ATP5PB: variants seen among roughly 807,000 people sequenced by gnomAD.
ATP5PB encodes ATP synthase peripheral stalk-membrane subunit b, also known as ATP synthase peripheral stalk subunit b, mitochondrial.
ATP5PB carries 21 observed loss-of-function variants against 34.5 expected under a neutral mutation model. The ratio of observed to expected loss-of-function variants is 0.61; its 90% CI spans 0.43 to 0.88. ATP5PB has a LOEUF of 0.88. Ranked by LOEUF, ATP5PB falls within the 40% of genes least tolerant of loss-of-function variation. ATP5PB has a pLI of 0.00. For synonymous variants in ATP5PB, 108 were observed against 114.1 expected (o/e 0.95, Z 0.34); for missense variants, 293 against 317.4 (o/e 0.92, Z 0.58).
intron 3 of ATP5PB, 106 bp downstream of exon 3, chr1:111,454,462 G>GTGTT (rs1653414254): frequency 1.4e-6 from 2 of 1,421,196 alleles, no homozygotes; most frequent in African/African-American, 1.5e-5. Context: ...TGTTGTTGTT[G>GTGTT]TTGTTGTTTT....
Position 111,449,513 on chromosome 1 carries a change from T to A in ATP5PB, c.-29T>A. 2 of 1,614,158 alleles carry A rather than the reference T, an allele frequency of 1.2e-6. No individual in the cohort carries two copies. Among genetic ancestry groups the A allele is most frequent in the South Asian group, 1.1e-5 (1 of 91,078 alleles). ...TCTCCTATCGGGGTCACAGGGACGC[T>A]AAGATTGCTACCTGGACTTTCGTTG... is the stretch of plus-strand genomic sequence containing the variant. On this transcript the variant is annotated 5_prime_UTR_variant, in exon 1 of 7. Transcript: ENST00000369722.
At chr1:111,457,338 C>CACACACACACACACACACAA (rs1557801140) in intron 5 of ATP5PB, among the ~76,000 whole-genome samples, 3 of 149,986 alleles carry the variant, frequency 2.0e-5, no homozygotes, top group African/African-American at 7.5e-5. Flanking sequence ...CACACACACA[C>CACACACACACACACACACAA]ACAAACAACA....
intron 2 of ATP5PB, among the ~76,000 whole-genome samples, chr1:111,452,592 A>C (rs558240212): frequency 6.6e-6 from 1 of 152,186 alleles, no homozygotes; most frequent in South Asian, 2.1e-4. Flanking sequence ...TAAAATAAGC[A>C]GAGAGACCAG....
rs1158342094 is a variant in ATP5PB at position 111,461,478 on chromosome 1, C to T, written c.*484C>T. ...CTGATAGGTTATGAGATATGTAAAG[C>T]TTTCTAGTACTCTTAAAATAACTAA... On this transcript the variant is annotated 3_prime_UTR_variant, in exon 7 of 7. Transcript: ENST00000369722. The T allele has an allele frequency of 2.0e-5, 3 of 153,820 alleles. No homozygotes were observed. The highest frequency in any genetic ancestry group is 2.9e-5 in the Non-Finnish European group (2 of 69,052). 9.5% of individuals were successfully genotyped at this position (153,820 alleles called of 1,614,324 possible).
chr1:111,456,273 C>A, intron 4 of ATP5PB, 24 bp downstream of exon 4: 1 of 1,538,770 alleles, frequency 6.5e-7, no homozygotes, highest in Non-Finnish European at 8.8e-7. Context: ...ACTTTATTTC[C>A]TATTTTAGAC....
chr1:111,459,352 C>A, intron 5 of ATP5PB, 105 bp from the exon 6 acceptor site: 2 of 1,091,930 alleles, frequency 1.8e-6, no homozygotes, highest in Non-Finnish European at 2.6e-6. Context: ...AAGAATTTCA[C>A]GTAAAATACA....
chr1:111,461,103 C>G lies in ATP5PB; in HGVS notation c.*109C>G. The G allele has an allele frequency of 9.9e-7, 1 of 1,014,722 alleles. No homozygotes were observed. The highest frequency in any genetic ancestry group is 1.5e-6 in the Non-Finnish European group (1 of 685,286). The allele number at this position is 1,014,722 out of a possible 1,614,324, so 62.9% of individuals were successfully genotyped here. The stretch of plus-strand genomic sequence containing the variant: ...GGTGTCTACTGAAGTTATAGTTTAC[C>G]CTTCCTAAAAATGAAAAGTTTGTTT... On this transcript the variant is annotated 3_prime_UTR_variant, in exon 7 of 7. Transcript: ENST00000369722.
intron 2 of ATP5PB, among the ~76,000 whole-genome samples, chr1:111,451,304 A>G (rs573574133): frequency 2.6e-5 from 4 of 152,262 alleles, no homozygotes; most frequent in Admixed American, 6.5e-5. Flanking sequence ...TCTTGCCTCA[A>G]TATCTTTCTA....
chr1:111,457,832 T>A (rs561233360), intron 5 of ATP5PB, among the ~76,000 whole-genome samples: 171 of 152,340 alleles, frequency 1.1e-3, no homozygotes, highest in Admixed American at 2.4e-3. Flanking sequence ...AAATGTTAAT[T>A]CCATGTATAT....
chr1:111,455,797 T>G (rs1249658530), intron 3 of ATP5PB, among the ~76,000 whole-genome samples: 2 of 152,232 alleles, frequency 1.3e-5, no homozygotes, highest in African/African-American at 4.8e-5. Context: ...TTCTCAAATT[T>G]ATCAGACTGA....
intron 1 of ATP5PB, 52 bp downstream of exon 1, chr1:111,449,633 A>T: frequency 6.4e-7 from 1 of 1,565,744 alleles, no homozygotes; most frequent in Non-Finnish European, 8.7e-7. Flanking sequence ...GAAAGAAGCG[A>T]ATCTAGGGGT....
chr1:111,451,025 C>A (rs1653312611), intron 2 of ATP5PB, among the ~76,000 whole-genome samples: 1 of 152,200 alleles, frequency 6.6e-6, no homozygotes, highest in Non-Finnish European at 1.5e-5. Flanking sequence ...TAAACTTTCA[C>A]CTAGGTATTT....
intron 5 of ATP5PB, among the ~76,000 whole-genome samples, chr1:111,459,242 G>C (rs567818443): frequency 4.6e-5 from 7 of 152,224 alleles, no homozygotes; most frequent in African/African-American, 1.7e-4. Flanking sequence ...AATGGCCTAT[G>C]GGGGAGGCTG....
chr1:111,451,200 T>C (rs535231699), intron 2 of ATP5PB, among the ~76,000 whole-genome samples: 10 of 152,338 alleles, frequency 6.6e-5, no homozygotes, highest in Admixed American at 3.9e-4. Flanking sequence ...CCAACATGAA[T>C]TGATTCCATC....
At chr1:111,458,618 GACC>G (rs1453454973) in intron 5 of ATP5PB, among the ~76,000 whole-genome samples, 1 of 143,994 alleles carries the variant, frequency 6.9e-6, no homozygotes, top group Non-Finnish European at 1.5e-5. Context: ...GATATATAAA[GACC>G]TTAGGCTCCT....
chr1:111,460,001 C>CA (rs201555924), intron 6 of ATP5PB, among the ~76,000 whole-genome samples: 1 of 151,974 alleles, frequency 6.6e-6, no homozygotes, highest in Non-Finnish European at 1.5e-5. Context: ...CCTGTCTCTA[C>CA]AAAAAATTTA....
rs1287549885 is a variant in ATP5PB, at chr1:111,459,443, T to C, written c.514-14T>C. The C allele has an allele frequency of 4.4e-6, 7 of 1,593,256 alleles. No individual in the cohort carries two copies. Among genetic ancestry groups the C allele is most frequent in the Non-Finnish European group, 6.0e-6 (7 of 1,167,336 alleles). On this transcript the variant is annotated splice_polypyrimidine_tract_variant and intron_variant, in intron 5 of 6. Coordinates refer to ENST00000369722, the MANE Select transcript of ATP5PB (RefSeq NM_001688.5). Reference sequence around the variant, plus strand: ...TATACAAACAATATTTATCATTTCTTAATTTTGCCCCAGAATAACATTGCT... The same window carrying C: ...TATACAAACAATATTTATCATTTCTCAATTTTGCCCCAGAATAACATTGCT...
chr1:111,459,529 C>T lies in ATP5PB; in HGVS notation c.586C>T (p.Arg196Cys), dbSNP rs200467988. The part of the protein sequence containing the change: ...LYRVYKEVKN[R>C]LDYHISVQNM... ...TAGAGTATATAAGGAAGTAAAGAATCGCCTGGACTATCATATATCTGTGCA... is the reference window on the plus strand; with the variant it reads ...TAGAGTATATAAGGAAGTAAAGAATTGCCTGGACTATCATATATCTGTGCA... The change falls in exon 6 of 7, where the codon CGC (arginine) becomes TGC (cysteine). Residue 196 changes from arginine to cysteine, a missense_variant. Arg to Cys is a radical substitution (Grantham distance 180). Coordinates refer to ENST00000369722, the MANE Select transcript of ATP5PB (RefSeq NM_001688.5). 7.4e-5 allele frequency: 120 copies of T among 1,613,716 alleles called. No homozygotes were observed. Among genetic ancestry groups the T allele is most frequent in the Non-Finnish European group, 9.6e-5 (113 of 1,179,818 alleles).
intron 2 of ATP5PB, among the ~76,000 whole-genome samples, chr1:111,452,645 A>G (rs1234935099): frequency 6.6e-6 from 1 of 152,236 alleles, no homozygotes; most frequent in Non-Finnish European, 1.5e-5. Context: ...AAGGACTTGA[A>G]CTAAGGTAGC....
Sources: gnomAD v4.1 joint callset for allele counts (sites outside exome capture counted in the v4.1 genomes callset) on GRCh38, gnomAD v4.1.1 for gene constraint, MANE v1.5 for transcripts, NCBI Gene and HGNC (gene_info 2026-07-23, HGNC 2026-07-21) for gene names.